The following ADAM12 variants were observed in gnomAD, a reference collection of about 807,000 sequenced individuals.
ADAM12 encodes ADAM metallopeptidase domain 12.
In ADAM12, 70 loss-of-function variants were observed where a neutral mutation model predicts 106.4. That is an observed-to-expected ratio of 0.66 (90% CI 0.54 to 0.80). The LOEUF (loss-of-function observed/expected upper bound fraction) is 0.80, where lower values mean the gene tolerates loss of function less well. ADAM12 is among the 30% of genes least tolerant of loss of function. The probability of loss-of-function intolerance (pLI) is 0.00; values close to 1 mark genes in which losing one functional copy is unlikely to be tolerated. For synonymous variants in ADAM12, 420 were observed against 433.5 expected (o/e 0.97, Z 0.39); for missense variants, 1,010 against 1,171.9 (o/e 0.86, Z 2.02).
intron 9 of ADAM12, 139 bp downstream of exon 9, chr10:126,100,933 G>A (rs1955652439): frequency 4.7e-6 from 4 of 843,374 alleles, no homozygotes; most frequent in Non-Finnish European, 7.1e-6. Context: ...TGCCCCCCTG[G>A]TGTGAGCTGA....
At chr10:126,178,408 C>CTTTT (rs10549268) in intron 3 of ADAM12, among the ~76,000 whole-genome samples, 37 of 103,898 alleles carry the variant, frequency 3.6e-4, no homozygotes, top group African/African-American at 5.6e-4. Flanking sequence ...TGGAGGACAT[C>CTTTT]TTTTTTTTTT....
intron 3 of ADAM12, among the ~76,000 whole-genome samples, chr10:126,234,192 A>T (rs1391430143): frequency 6.6e-6 from 1 of 152,234 alleles, no homozygotes; most frequent in Admixed American, 6.5e-5. Flanking sequence ...AAGGAAGGCT[A>T]TCAAAATGGA....
chr10:126,039,019 G>C (rs1300811939), intron 19 of ADAM12, among the ~76,000 whole-genome samples: 3 of 139,764 alleles, frequency 2.1e-5, no homozygotes, highest in Non-Finnish European at 4.5e-5. Flanking sequence ...GAGTGCAGTG[G>C]AGTGATCGCA....
intron 2 of ADAM12, among the ~76,000 whole-genome samples, chr10:126,326,056 C>T (rs113499966): frequency 2.4e-4 from 37 of 152,290 alleles, no homozygotes; most frequent in African/African-American, 8.9e-4. Flanking sequence ...ATTCTAACAT[C>T]CCATTCAGAA....
chr10:126,199,718 T>C (rs2133817632), intron 3 of ADAM12, among the ~76,000 whole-genome samples: 1 of 152,284 alleles, frequency 6.6e-6, no homozygotes, highest in Non-Finnish European at 1.5e-5. Context: ...GGAATACATA[T>C]AAAGTTTCTG....
chr10:126,166,711 A>C (rs1178931411), intron 3 of ADAM12, among the ~76,000 whole-genome samples: 1 of 152,004 alleles, frequency 6.6e-6, no homozygotes, highest in Non-Finnish European at 1.5e-5. Context: ...ATTGGCCAGG[A>C]TGGTCTCCAT....
intron 4 of ADAM12, among the ~76,000 whole-genome samples, chr10:126,137,786 T>C (rs1217555432): frequency 1.3e-5 from 2 of 152,246 alleles, no homozygotes; most frequent in African/African-American, 4.8e-5. Flanking sequence ...TATCCAAGTG[T>C]TGAGCACATG....
intron 2 of ADAM12, among the ~76,000 whole-genome samples, chr10:126,288,313 T>C (rs959142429): frequency 1.3e-5 from 2 of 152,158 alleles, no homozygotes; most frequent in African/African-American, 4.8e-5. Flanking sequence ...CATTTGTACT[T>C]GGGACTATAC....
At chr10:126,151,007 G>A (rs965755415) in intron 4 of ADAM12, among the ~76,000 whole-genome samples, 2 of 152,080 alleles carry the variant, frequency 1.3e-5, no homozygotes, top group African/African-American at 4.8e-5. Flanking sequence ...TCCTATTATA[G>A]TAATTACATT....
At chr10:126,246,172 G>A (rs1030496898) in intron 3 of ADAM12, among the ~76,000 whole-genome samples, 4 of 152,146 alleles carry the variant, frequency 2.6e-5, no homozygotes, top group Admixed American at 6.5e-5. Context: ...TAAGATACAG[G>A]TGAACAAATG....
At chr10:126,371,172 T>C (rs905372402) in intron 1 of ADAM12, among the ~76,000 whole-genome samples, 1 of 152,194 alleles carries the variant, frequency 6.6e-6, no homozygotes, top group Non-Finnish European at 1.5e-5. Flanking sequence ...AGTGCCTGCC[T>C]CCCAGGGCAT....
intron 3 of ADAM12, among the ~76,000 whole-genome samples, chr10:126,202,440 T>A (rs1159425514): frequency 1.3e-5 from 2 of 152,184 alleles, no homozygotes; most frequent in Non-Finnish European, 2.9e-5. Flanking sequence ...TGCTTTTGTA[T>A]CTTGAGGTGT....
intron 3 of ADAM12, among the ~76,000 whole-genome samples, chr10:126,207,477 C>T (rs1321285338): frequency 6.6e-6 from 1 of 152,190 alleles, no homozygotes; most frequent in Non-Finnish European, 1.5e-5. Flanking sequence ...AGAACATTCT[C>T]AAAGAGTGCT....
At position 126,071,678 on chromosome 10, in the gene ADAM12, G is replaced by A. The variant is rs1484376716; in HGVS notation, c.1146-24C>T. Reference sequence around the variant, plus strand: ...ACCTGAGAAAGGAGAGCCCAGAACAGTAAGTCACAGGGCATGGAATGGCTT... The same window carrying A: ...ACCTGAGAAAGGAGAGCCCAGAACAATAAGTCACAGGGCATGGAATGGCTT... On this transcript the variant is annotated intron_variant, in intron 11 of 22. Coordinates refer to ENST00000448723, the MANE Select transcript of ADAM12 (RefSeq NM_001288973.2). 5.6e-6 allele frequency: 9 copies of A among 1,611,530 alleles called. No individual in the cohort carries two copies. In the South Asian group the frequency reaches 8.8e-5, roughly 16 times the overall value.
At chr10:126,327,874 TG>T (rs2133846781) in intron 2 of ADAM12, among the ~76,000 whole-genome samples, 1 of 152,316 alleles carries the variant, frequency 6.6e-6, no homozygotes, top group Non-Finnish European at 1.5e-5. Context: ...AGTTCACACA[TG>T]GGAGGAGCCC....
chr10:126,132,089 C>T (rs1184251862), intron 5 of ADAM12, among the ~76,000 whole-genome samples: 4 of 151,870 alleles, frequency 2.6e-5, no homozygotes, highest in Non-Finnish European at 2.9e-5. Context: ...AGTTTTCTGC[C>T]TCAGCCTCCC....
At chr10:126,146,533 TCCTGTG>T (rs1956631142) in intron 4 of ADAM12, among the ~76,000 whole-genome samples, 1 of 152,110 alleles carries the variant, frequency 6.6e-6, no homozygotes, top group South Asian at 2.1e-4. Context: ...CTCACAATCT[TCCTGTG>T]CCCAGCTATC....
chr10:126,033,081 GA>G (rs1334219197), intron 21 of ADAM12, among the ~76,000 whole-genome samples: 6 of 152,128 alleles, frequency 3.9e-5, no homozygotes, highest in African/African-American at 1.4e-4. Flanking sequence ...CAAAGGATAG[GA>G]AAAGACAAGT....
intron 3 of ADAM12, among the ~76,000 whole-genome samples, chr10:126,197,488 C>T (rs1208329400): frequency 3.3e-5 from 5 of 152,128 alleles, no homozygotes; most frequent in South Asian, 2.1e-4. Flanking sequence ...AGAGGACAGT[C>T]GTGTGCTTCC....
Sources: gnomAD v4.1 joint callset for allele counts (sites outside exome capture counted in the v4.1 genomes callset) on GRCh38, gnomAD v4.1.1 for gene constraint, MANE v1.5 for transcripts, NCBI Gene and HGNC (gene_info 2026-07-23, HGNC 2026-07-21) for gene names.